The following AMZ1 variants were observed in gnomAD, a reference collection of about 807,000 sequenced individuals.
The protein encoded by AMZ1 is archaemetzincin-1.
In AMZ1, 39 loss-of-function variants were observed where a neutral mutation model predicts 29.9. The ratio of observed to expected loss-of-function variants is 1.30; its 90% CI spans 1.01 to 1.70. The LOEUF is 1.70. Among genes scored for constraint, AMZ1 ranks in the 40% most tolerant of loss-of-function variants. The probability of loss-of-function intolerance (pLI) is 0.00; values close to 1 mark genes in which losing one functional copy is unlikely to be tolerated. For missense variants in AMZ1, 1,041 were observed against 680.6 expected (o/e 1.53, Z -5.89); for synonymous variants, 458 against 304.0 (o/e 1.51, Z -5.27).
At position 2,708,652 on chromosome 7, in the gene AMZ1, A is replaced by T; in HGVS notation, c.537A>T (p.Thr179=). 6.2e-7 allele frequency: 1 copy of T among 1,613,148 alleles called. No homozygotes were observed. Among genetic ancestry groups the T allele is most frequent in the Non-Finnish European group, 8.5e-7 (1 of 1,179,976 alleles). ...ACGCGCTGTGTGTGCTGGGCCTCAC[A>T]CTGTCTGACCTGTACCCCCATGAGG... ...PGDALCVLGL[T]LSDLYPHEAW... Residue 179 remains threonine (T), a synonymous_variant, in exon 4 of 7, where the codon ACA becomes ACT. Transcript: ENST00000683327.
intron 6 of AMZ1, 96 bp from the exon 7 acceptor site, chr7:2,712,234 C>A (rs151017893): frequency 7.5e-7 from 1 of 1,333,532 alleles, no homozygotes; most frequent in Non-Finnish European, 1.0e-6. Context: ...TAACTGAGGA[C>A]GGTGGGGTCC....
rs373214634 is a variant in AMZ1, at chr7:2,702,707, C to T, written c.305-15C>T. ...CAGGGGCGTCGCAGGGCTGACGGTG[C>T]TGCTCTCCCACCAGACCTGAGCGAG... On this transcript the variant is annotated splice_polypyrimidine_tract_variant and intron_variant, in intron 2 of 6. Coordinates refer to ENST00000683327, the MANE Select transcript of AMZ1 (RefSeq NM_001384743.1). The T allele has an allele frequency of 1.3e-5, 20 of 1,519,244 alleles. No individual in the cohort carries two copies. Among genetic ancestry groups the T allele is most frequent in the Non-Finnish European group, 1.4e-5 (16 of 1,133,266 alleles). 94.1% of individuals were successfully genotyped at this position (1,519,244 alleles called of 1,614,324 possible).
chr7:2,717,335 C>A lies in AMZ1; in HGVS notation c.*4457C>A, dbSNP rs1789187684. Among the ~76,000 whole-genome samples the A allele has an allele frequency of 6.6e-6, 1 of 152,238 alleles. No individual in the cohort carries two copies. The highest frequency in any genetic ancestry group is 2.1e-4 in the South Asian group (1 of 4,832). ...CATAGACCTGAACTGGGTCTGCCTG[C>A]CTGTGTGCTGGAAGCAAACGACGGC... On this transcript the variant is annotated 3_prime_UTR_variant, in exon 7 of 7. Transcript: ENST00000683327.
chr7:2,744,009 C>G (rs1790640568), intron 4 of AMZ1, among the ~76,000 whole-genome samples: 1 of 152,234 alleles, frequency 6.6e-6, no homozygotes, highest in Admixed American at 6.5e-5. Flanking sequence ...ATTAGGTAAA[C>G]AAAGCAGCCG....
At chr7:2,705,938 C>T (rs1788328210) in intron 3 of AMZ1, among the ~76,000 whole-genome samples, 1 of 152,242 alleles carries the variant, frequency 6.6e-6, no homozygotes, top group Non-Finnish European at 1.5e-5. Flanking sequence ...CTGTTATGGC[C>T]TCTGACCTGT....
intron 4 of AMZ1, among the ~76,000 whole-genome samples, chr7:2,755,595 T>C (rs1481898432): frequency 6.6e-6 from 1 of 152,256 alleles, no homozygotes; most frequent in East Asian, 1.9e-4. Flanking sequence ...ATATGGATCT[T>C]GTATCCTGTA....
At position 2,701,689 on chromosome 7, in the gene AMZ1, C is replaced by T. The variant is rs79437910; in HGVS notation, c.304+934C>T. ...CGGAGAGGAGGAAAGGGCTGGTGTC[C>T]GCTTCTGACCAGCGCACCACGCCTT... On this transcript the variant is annotated intron_variant, in intron 2 of 6. Coordinates refer to ENST00000683327, the MANE Select transcript of AMZ1 (RefSeq NM_001384743.1). Among the ~76,000 whole-genome samples, 1,151 of 152,332 alleles carry T rather than the reference C, an allele frequency of 7.6e-3. 25 individuals are homozygous for T. The highest frequency in any genetic ancestry group is 0.026 in the African/African-American group (1,087 of 41,566).
intron 4 of AMZ1, among the ~76,000 whole-genome samples, chr7:2,740,981 C>T (rs1790469379): frequency 6.6e-6 from 1 of 152,200 alleles, no homozygotes; most frequent in South Asian, 2.1e-4. Context: ...GGAGGCAGAG[C>T]TTGCAGTGAG....
downstream of AMZ1, among the ~76,000 whole-genome samples, chr7:2,721,224 G>A (rs1176935877): frequency 1.3e-5 from 2 of 152,218 alleles, no homozygotes; most frequent in African/African-American, 4.8e-5. Context: ...GCTCAGGAGT[G>A]GAAGCACAGG....
chr7:2,754,549 C>T (rs773526615), intron 4 of AMZ1, among the ~76,000 whole-genome samples: 3 of 150,958 alleles, frequency 2.0e-5, no homozygotes, highest in Non-Finnish European at 4.4e-5. Flanking sequence ...TCGAAACCAA[C>T]CTGGGCAACA....
chr7:2,699,046 C>T lies in AMZ1; in HGVS notation c.-218-1188C>T, dbSNP rs190651715. Among the ~76,000 whole-genome samples the T allele has an allele frequency of 9.7e-4, 148 of 152,248 alleles. 1 individual carries two copies. Among genetic ancestry groups the T allele is most frequent in the African/African-American group, 3.5e-3 (145 of 41,548 alleles). ...GTCTATTCACACGTCCTTAGCTGCA[C>T]CTGCCTTGCTATATTATTTGTGCAT... On this transcript the variant is annotated intron_variant, in intron 1 of 6. Transcript: ENST00000683327.
At chr7:2,726,313 T>C (rs990194282) in intron 4 of AMZ1, among the ~76,000 whole-genome samples, 1 of 152,124 alleles carries the variant, frequency 6.6e-6, no homozygotes. Flanking sequence ...TGAAATACAA[T>C]CCTCACCACA....
chr7:2,682,581 G>T (rs1307114800), intron 1 of AMZ1, among the ~76,000 whole-genome samples: 1 of 152,156 alleles, frequency 6.6e-6, no homozygotes, highest in African/African-American at 2.4e-5. Context: ...CAGGCCCCGT[G>T]CATCCTGCCT....
chr7:2,710,020 C>G (rs1402677071), intron 6 of AMZ1, among the ~76,000 whole-genome samples: 1 of 152,226 alleles, frequency 6.6e-6, no homozygotes, highest in African/African-American at 2.4e-5. Context: ...CTGCCAGGGC[C>G]CGCGTGTGGT....
At position 2,707,383 on chromosome 7, in the gene AMZ1, G is replaced by T. The variant is rs543448489; in HGVS notation, c.473-1205G>T. Among the ~76,000 whole-genome samples the T allele has an allele frequency of 8.0e-4, 121 of 151,876 alleles. 1 individual carries two copies. Among genetic ancestry groups the T allele is most frequent in the Admixed American group, 2.1e-3 (31 of 15,104 alleles). ...AAACACTTCTCCGGTGTGCCTCTGT[G>T]CCGCAACCCCTCTTCTCTACACTAA... On this transcript the variant is annotated intron_variant, in intron 3 of 6. Coordinates refer to ENST00000683327, the MANE Select transcript of AMZ1 (RefSeq NM_001384743.1).
intron 4 of AMZ1, chr7:2,730,970 G>GC: frequency 1.9e-6 from 1 of 525,960 alleles, no homozygotes; most frequent in Non-Finnish European, 3.4e-6. Flanking sequence ...AGTTTCACTC[G>GC]CCCCCAGGAT....
At chr7:2,727,852 T>C (rs184025684) in intron 4 of AMZ1, among the ~76,000 whole-genome samples, 239 of 151,400 alleles carry the variant, frequency 1.6e-3, no homozygotes, top group Middle Eastern at 3.4e-3. Context: ...GGTCAGGAGA[T>C]AGAGACCACC....
intron 4 of AMZ1, among the ~76,000 whole-genome samples, chr7:2,751,399 G>GAAAAAAAA (rs67434697): frequency 2.0e-5 from 2 of 101,198 alleles, no homozygotes; most frequent in Non-Finnish European, 2.1e-5. Flanking sequence ...AAAGAAAAAA[G>GAAAAAAAA]AAAAAAAAAA....
intron 4 of AMZ1, 60 bp from the exon 5 acceptor site, chr7:2,709,015 G>A (rs1788559552): frequency 9.3e-6 from 14 of 1,506,640 alleles, no homozygotes; most frequent in Middle Eastern, 1.8e-4. Flanking sequence ...GGGTTTGACG[G>A]TGGGCCCCCC....
Sources: gnomAD v4.1 joint callset for allele counts (sites outside exome capture counted in the v4.1 genomes callset) on GRCh38, gnomAD v4.1.1 for gene constraint, MANE v1.5 for transcripts, NCBI Gene and HGNC (gene_info 2026-07-23, HGNC 2026-07-21) for gene names.